TENM4: variants seen among roughly 807,000 people sequenced by gnomAD.
TENM4 encodes the protein teneurin-4.
Under a neutral mutation model 243.3 loss-of-function variants are expected in TENM4, and 82 were observed. The observed-to-expected ratio is 0.34, with a 90% CI of 0.28 to 0.40. The LOEUF (loss-of-function observed/expected upper bound fraction) is 0.40, where lower values mean the gene tolerates loss of function less well. TENM4 is among the 10% of genes least tolerant of loss of function. The pLI is 1.00. For synonymous variants in TENM4, 1,412 were observed against 1,456.3 expected, an observed-to-expected ratio of 0.97 and a Z score of 0.69; for missense variants, 3,138 against 3,673.3, an observed-to-expected ratio of 0.85 and a Z score of 3.77.
At chr11:79,135,298 C>T (rs1392763017) in intron 4 of TENM4, among the ~76,000 whole-genome samples, 1 of 151,890 alleles carries the variant, frequency 6.6e-6, no homozygotes, top group Non-Finnish European at 1.5e-5. Context: ...CAATGTGATA[C>T]CACCTTACTC....
At chr11:79,433,748 T>C (rs1414583515) in intron 1 of TENM4, among the ~76,000 whole-genome samples, 1 of 152,202 alleles carries the variant, frequency 6.6e-6, no homozygotes, top group African/African-American at 2.4e-5. Context: ...GTTTCCTTTC[T>C]GTTTTCCAAA....
chr11:79,325,231 C>T (rs994034584), intron 1 of TENM4, among the ~76,000 whole-genome samples: 26 of 152,172 alleles, frequency 1.7e-4, no homozygotes, highest in African/African-American at 6.0e-4. Context: ...CCAACGTCCA[C>T]ACTTTTAATG....
intron 1 of TENM4, among the ~76,000 whole-genome samples, chr11:79,410,289 G>A (rs1160626005): frequency 6.6e-6 from 1 of 152,100 alleles, no homozygotes; most frequent in Non-Finnish European, 1.5e-5. Flanking sequence ...CCCAAACTAA[G>A]ACAATATCTA....
At chr11:79,107,457 T>A (rs1326208930) in intron 4 of TENM4, among the ~76,000 whole-genome samples, 1 of 152,162 alleles carries the variant, frequency 6.6e-6, no homozygotes, top group East Asian at 1.9e-4. Flanking sequence ...CCTGGAAATA[T>A]TTTCCTTCCT....
intron 2 of TENM4, among the ~76,000 whole-genome samples, chr11:79,234,335 GGAAGGTTT>G (rs1383359795): frequency 6.6e-6 from 1 of 152,160 alleles, no homozygotes; most frequent in Non-Finnish European, 1.5e-5. Flanking sequence ...AAAAGCGAAG[GGAAGGTTT>G]GGCCCTCTAT....
At chr11:79,084,924 G>A (rs1033643785) in intron 4 of TENM4, among the ~76,000 whole-genome samples, 3 of 152,156 alleles carry the variant, frequency 2.0e-5, no homozygotes, top group East Asian at 1.9e-4. Context: ...TTGTATCAAC[G>A]TCAACATCCT....
chr11:79,342,604 C>T (rs541843202), intron 1 of TENM4, among the ~76,000 whole-genome samples: 4 of 152,314 alleles, frequency 2.6e-5, no homozygotes, highest in South Asian at 2.1e-4. Context: ...CCTGGCTGCA[C>T]AGAGAATCAC....
intron 1 of TENM4, among the ~76,000 whole-genome samples, chr11:79,384,937 T>TTAAATTAAAATAAAATAAAATAAAA: frequency 8.7e-6 from 1 of 114,408 alleles, no homozygotes; most frequent in Non-Finnish European, 1.8e-5. Flanking sequence ...AAAAATAAAA[T>TTAAATTAAAATAAAATAAAATAAAA]TAAAATAAAA....
At chr11:79,347,881 G>C (rs1011232775) in intron 1 of TENM4, among the ~76,000 whole-genome samples, 2 of 140,288 alleles carry the variant, frequency 1.4e-5, no homozygotes, top group Admixed American at 7.5e-5. Context: ...CCGGGTTCAC[G>C]CCATTCTCCT....
intron 4 of TENM4, among the ~76,000 whole-genome samples, chr11:79,126,390 C>A (rs1333124900): frequency 6.6e-6 from 1 of 152,336 alleles, no homozygotes; most frequent in South Asian, 2.1e-4. Flanking sequence ...ACAGTGGGAA[C>A]CACAGTCACT....
intron 1 of TENM4, among the ~76,000 whole-genome samples, chr11:79,328,129 G>C (rs1446593746): frequency 1.3e-5 from 2 of 152,174 alleles, no homozygotes; most frequent in Non-Finnish European, 2.9e-5. Flanking sequence ...CTCTATTGAA[G>C]TTAAGAAAAA....
At chr11:78,878,817 T>C (rs923597676) in intron 9 of TENM4, among the ~76,000 whole-genome samples, 1 of 152,138 alleles carries the variant, frequency 6.6e-6, no homozygotes, top group Non-Finnish European at 1.5e-5. Flanking sequence ...ATAATCCAGA[T>C]ATGAAATAAG....
rs560876625 is a variant in TENM4, at chr11:79,206,739, C to T, written c.-163+9069G>A. On this transcript the variant is annotated intron_variant, in intron 3 of 33. Transcript: ENST00000278550. ...CCATGTTAGAAGTACCTTCCACCTC[C>T]GGCCATGATTCTGAGGCCTCCCCAG... 1.1e-4 allele frequency among the ~76,000 whole-genome samples: 17 copies of T among 152,280 alleles called. No individual in the cohort carries two copies. The East Asian group carries it at 2.7e-3, about 24-fold the overall frequency.
intron 1 of TENM4, among the ~76,000 whole-genome samples, chr11:79,322,222 C>T (rs927806926): frequency 8.5e-5 from 13 of 152,294 alleles, no homozygotes; most frequent in South Asian, 4.2e-4. Flanking sequence ...TTTCAAGTGA[C>T]ACCTGACTCA....
intron 6 of TENM4, among the ~76,000 whole-genome samples, chr11:79,028,975 G>C (rs984722098): frequency 2.0e-5 from 3 of 152,130 alleles, no homozygotes; most frequent in African/African-American, 7.2e-5. Context: ...GCCCTAAAGA[G>C]TCTTGAGAAA....
chr11:78,889,936 G>T lies in TENM4; in HGVS notation c.933C>A (p.Tyr311Ter). ...PGYPLTSSTVYSPPPRPLPRS... is the reference protein window; with the variant it reads ...PGYPLTSSTV ...GGGGCAGGGGTCGGGGCGGAGGAGA[G>T]TACACTGTGCTGGACGTCAGTGGGT... is the stretch of plus-strand genomic sequence containing the variant. Residue 311 changes from tyrosine to a stop codon, truncating the protein, a stop_gained, in exon 9 of 34, where the codon TAC becomes TAA. Transcript: ENST00000278550. LOFTEE classifies it high-confidence loss of function. 6.4e-7 allele frequency: 1 copy of T among 1,551,702 alleles called. No individual in the cohort carries two copies. The highest frequency in any genetic ancestry group is 2.0e-5 in the Admixed American group (1 of 50,998).
At chr11:79,207,064 C>T (rs1863863187) in intron 3 of TENM4, among the ~76,000 whole-genome samples, 1 of 152,090 alleles carries the variant, frequency 6.6e-6, no homozygotes, top group South Asian at 2.1e-4. Flanking sequence ...GTGACATATG[C>T]TGGGAAGGCC....
At chr11:79,004,452 C>G (rs1007629513) in intron 6 of TENM4, among the ~76,000 whole-genome samples, 1 of 152,078 alleles carries the variant, frequency 6.6e-6, no homozygotes, top group Non-Finnish European at 1.5e-5. Flanking sequence ...GAAATCAATA[C>G]TGAGAAAATT....
chr11:78,802,142 C>T lies in TENM4; in HGVS notation c.2179+3150G>A, dbSNP rs565082986. The stretch of plus-strand genomic sequence containing the variant: ...TCTTGGCTCTAGTGAATCCAGGCAA[C>T]GAGGCATTCCTTGCATAGCTTCACT... On this transcript the variant is annotated intron_variant, in intron 15 of 33. Coordinates refer to ENST00000278550, the MANE Select transcript of TENM4 (RefSeq NM_001098816.3). 7.9e-5 allele frequency among the ~76,000 whole-genome samples: 12 copies of T among 152,282 alleles called. No individual in the cohort carries two copies. The Middle Eastern group carries it at 0.01, about 129-fold the overall frequency.
Sources: allele counts gnomAD v4.1 joint callset (sites outside exome capture counted in the v4.1 genomes callset), GRCh38; gene constraint gnomAD v4.1.1; transcripts MANE v1.5; gene names NCBI Gene and HGNC (gene_info 2026-07-23, HGNC 2026-07-21).